Variants in RAB38 observed in about 807,000 individuals in gnomAD.
RAB38 encodes the protein RAB38, member RAS oncogene family.
In RAB38, 15 loss-of-function variants were observed where a neutral mutation model predicts 18.4. That is an observed-to-expected ratio of 0.82 (90% CI 0.55 to 1.26). The LOEUF is 1.26. Among genes scored for constraint, RAB38 ranks in the 50% most tolerant of loss-of-function variants. RAB38 has a pLI of 0.00. For synonymous variants in RAB38, 101 were observed against 104.4 expected (o/e 0.97, Z 0.20); for missense variants, 294 against 267.4 (o/e 1.10, Z -0.69).
chr11:88,029,631 G>C, the RAB38 span, among the ~76,000 whole-genome samples: 1 of 152,122 alleles, frequency 6.6e-6, no homozygotes, highest in East Asian at 1.9e-4. Context: ...AAGAGACAAA[G>C]AAGGCCATTA....
chr11:87,906,871 C>A, the RAB38 span, among the ~76,000 whole-genome samples: 1 of 151,876 alleles, frequency 6.6e-6, no homozygotes, highest in Non-Finnish European at 1.5e-5. Flanking sequence ...TTTACACCTA[C>A]TAATACAATT....
chr11:88,088,439 T>A, the RAB38 span, among the ~76,000 whole-genome samples: 5 of 151,894 alleles, frequency 3.3e-5, no homozygotes, highest in Non-Finnish European at 1.5e-5. Context: ...CAATACCTGA[T>A]AAGGGCCATT....
chr11:87,874,981 AG>A, the RAB38 span, among the ~76,000 whole-genome samples: 1 of 151,550 alleles, frequency 6.6e-6, no homozygotes, highest in Non-Finnish European at 1.5e-5. Flanking sequence ...AATATGTTGA[AG>A]GGATACTTAT....
At chr11:87,856,462 C>G in the RAB38 span, among the ~76,000 whole-genome samples, 1 of 152,064 alleles carries the variant, frequency 6.6e-6, no homozygotes, top group Non-Finnish European at 1.5e-5. Flanking sequence ...TTAACGTAAG[C>G]CACAAAAATC....
chr11:87,875,892 C>T, the RAB38 span, among the ~76,000 whole-genome samples: 1 of 151,520 alleles, frequency 6.6e-6, no homozygotes, highest in African/African-American at 2.4e-5. Flanking sequence ...TGTTCTATAT[C>T]TACAATCCTG....
the RAB38 span, among the ~76,000 whole-genome samples, chr11:87,970,115 G>C: frequency 2.0e-5 from 3 of 152,070 alleles, no homozygotes; most frequent in Admixed American, 1.3e-4. Context: ...ACTAGTTTGA[G>C]AATCAGAAAC....
At chr11:87,888,721 G>C in the RAB38 span, among the ~76,000 whole-genome samples, 2 of 151,878 alleles carry the variant, frequency 1.3e-5, no homozygotes, top group African/African-American at 4.8e-5. Context: ...GCTGCTCTTA[G>C]GGGATGAGGA....
chr11:87,952,030 TGGAGCTGAGTCAATTTGG>T, the RAB38 span, among the ~76,000 whole-genome samples: 14 of 152,294 alleles, frequency 9.2e-5, no homozygotes, highest in East Asian at 5.8e-4. Context: ...CCTACTGGCC[TGGAGCTGAGTCAATTTGG>T]GGAGCTGAGT....
the RAB38 span, among the ~76,000 whole-genome samples, chr11:88,075,510 T>C: frequency 6.6e-6 from 1 of 152,158 alleles, no homozygotes; most frequent in African/African-American, 2.4e-5. Context: ...AAATACAACG[T>C]ACCAAGGTCT....
At chr11:87,950,392 G>A in the RAB38 span, among the ~76,000 whole-genome samples, 1 of 152,186 alleles carries the variant, frequency 6.6e-6, no homozygotes, top group African/African-American at 2.4e-5. Context: ...TACATTTAAG[G>A]TTAATATTGT....
the RAB38 span, among the ~76,000 whole-genome samples, chr11:88,022,632 A>AAAAAAAAAAAAT: frequency 6.6e-6 from 1 of 150,830 alleles, no homozygotes; most frequent in African/African-American, 2.4e-5. Flanking sequence ...AAAAAAAAAA[A>AAAAAAAAAAAAT]CAACTATTAG....
chr11:87,962,489 G>A, the RAB38 span, among the ~76,000 whole-genome samples: 1 of 149,236 alleles, frequency 6.7e-6, no homozygotes, highest in Admixed American at 6.7e-5. Flanking sequence ...GTTACCAGAG[G>A]CTTGGCGGGG....
the RAB38 span, among the ~76,000 whole-genome samples, chr11:88,092,095 G>A: frequency 4.6e-5 from 7 of 151,670 alleles, no homozygotes; most frequent in African/African-American, 1.5e-4. Context: ...ATCAATGAGG[G>A]GAGGTAGGGA....
At chr11:88,101,564 G>A in the RAB38 span, among the ~76,000 whole-genome samples, 1 of 151,710 alleles carries the variant, frequency 6.6e-6, no homozygotes, top group Admixed American at 6.6e-5. Context: ...TTCCATTTAG[G>A]CAGACAAAAA....
chr11:87,812,354 T>C, the RAB38 span, among the ~76,000 whole-genome samples: 42 of 152,190 alleles, frequency 2.8e-4, no homozygotes, highest in Non-Finnish European at 4.6e-4. Context: ...GAAGCCATGT[T>C]GGACACTGGG....
At chr11:88,126,197 G>A (rs755387779) in intron 2 of RAB38, among the ~76,000 whole-genome samples, 31 of 152,054 alleles carry the variant, frequency 2.0e-4, no homozygotes, top group Non-Finnish European at 2.8e-4. Context: ...TTGGCAATGC[G>A]GGCTCTTTTT....
At chr11:87,868,477 C>T in the RAB38 span, among the ~76,000 whole-genome samples, 1,088 of 151,108 alleles carry the variant, frequency 7.2e-3, 8 homozygotes, top group Non-Finnish European at 0.012. Flanking sequence ...TATTCTTTTA[C>T]AGCAACACAA....
the RAB38 span, among the ~76,000 whole-genome samples, chr11:87,824,686 T>C: frequency 6.6e-6 from 1 of 151,956 alleles, no homozygotes; most frequent in Non-Finnish European, 1.5e-5. Flanking sequence ...GCTGAATAAA[T>C]GTCCAAGAAA....
At chr11:88,152,691 TCAGA>T (rs1943078259) in intron 1 of RAB38, among the ~76,000 whole-genome samples, 13 of 152,182 alleles carry the variant, frequency 8.5e-5, no homozygotes, top group Admixed American at 3.3e-4. Context: ...ACCATGTGAC[TCAGA>T]GTGAGTGCCT....
Sources: gnomAD v4.1 joint callset for allele counts (sites outside exome capture counted in the v4.1 genomes callset) on GRCh38, gnomAD v4.1.1 for gene constraint, MANE v1.5 for transcripts, NCBI Gene and HGNC (gene_info 2026-07-23, HGNC 2026-07-21) for gene names.